CYB5D2: variants seen among roughly 807,000 people sequenced by gnomAD.
CYB5D2 encodes the protein cytochrome b5 domain containing 2.
A neutral mutation model predicts 22.8 loss-of-function variants in CYB5D2; 23 were observed. The observed-to-expected ratio is 1.01, with a 90% confidence interval of 0.73 to 1.43. The LOEUF (loss-of-function observed/expected upper bound fraction) is 1.43. CYB5D2 is among the 40% of genes most tolerant of loss of function. The pLI is 0.00. For synonymous variants in CYB5D2, 170 were observed against 152.2 expected (o/e 1.12, Z -0.86); for missense variants, 373 against 357.2 (o/e 1.04, Z -0.36).
At chr17:4,156,463 G>C (rs1034167845) in intron 3 of CYB5D2, among the ~76,000 whole-genome samples, 1 of 152,266 alleles carries the variant, frequency 6.6e-6, no homozygotes, top group Non-Finnish European at 1.5e-5. Flanking sequence ...CCTGACCTGC[G>C]CTGGGTTGTA....
intron 1 of CYB5D2, 144 bp downstream of exon 1, chr17:4,144,149 C>T (rs1456013879): frequency 3.5e-6 from 4 of 1,157,662 alleles, no homozygotes; most frequent in Non-Finnish European, 3.6e-6. Flanking sequence ...GCGGGACGAG[C>T]TGCATGCACT....
rs1053490916 is a variant in CYB5D2, at chr17:4,144,146, G to C, written c.250+141G>C. The C allele has an allele frequency of 3.0e-5, 36 of 1,206,000 alleles. No individual in the cohort carries two copies. In the African/African-American group the frequency reaches 4.9e-4, roughly 16 times the overall value. The allele number at this position is 1,206,000 out of a possible 1,614,324, so 74.7% of individuals were successfully genotyped here. ...ATCAAACCCGTGCGGTGGGCGGGACGAGCTGCATGCACTATCCTTCTAGGC... is the reference window on the plus strand; with the variant it reads ...ATCAAACCCGTGCGGTGGGCGGGACCAGCTGCATGCACTATCCTTCTAGGC... On this transcript the variant is annotated intron_variant, in intron 1 of 3. Coordinates refer to ENST00000301391, the MANE Select transcript of CYB5D2 (RefSeq NM_144611.4).
intron 2 of CYB5D2, among the ~76,000 whole-genome samples, chr17:4,153,324 CGGTGCG>C (rs1567890698): frequency 6.0e-5 from 9 of 150,942 alleles, no homozygotes; most frequent in African/African-American, 2.2e-4. Context: ...CAGGGAAGAG[CGGTGCG>C]AAGGTGGGGA....
intron 1 of CYB5D2, among the ~76,000 whole-genome samples, chr17:4,145,089 C>T (rs2058972686): frequency 6.6e-6 from 1 of 152,096 alleles, no homozygotes; most frequent in African/African-American, 2.4e-5. Flanking sequence ...CCCGGCCAGC[C>T]TAGTGCTTTT....
In CYB5D2 at chr17:4,143,794, G is replaced by A; in HGVS notation, c.39G>A (p.Leu13=). 1 of 1,614,092 alleles carries A rather than the reference G, an allele frequency of 6.2e-7. No homozygotes were observed. The highest frequency in any genetic ancestry group is 8.5e-7 in the Non-Finnish European group (1 of 1,180,002). ...GAGGCCGTGGGCTTTTGTTGGGCCT[G>A]GCTGTAGCCGCAGCAGCGGTAATGG... ...RCGGRGLLLG[L]AVAAAAVMAA... The change falls in exon 1 of 4, where the codon CTG becomes CTA. Residue 13 remains leucine (L), a synonymous_variant. Transcript: ENST00000301391.
At position 4,154,711 on chromosome 17, in the gene CYB5D2, G is replaced by A. The variant is rs753221813; in HGVS notation, c.429G>A (p.Leu143=). The change falls in exon 3 of 4, where the codon CTG becomes CTA. Residue 143 remains leucine (L), a synonymous_variant. Transcript: ENST00000301391. ...GACGGTTCTACGGAGAGGATGGGCT[G>A]CCCACCCCGGCACTGACCCAGGTAG... ...VTGRFYGEDG[L]PTPALTQVEA... is the part of the protein sequence containing the mutation. 3.1e-6 allele frequency: 5 copies of A among 1,614,156 alleles called. No homozygotes were observed. Among genetic ancestry groups the A allele is most frequent in the Non-Finnish European group, 4.2e-6 (5 of 1,180,018 alleles).
chr17:4,147,277 G>GA (rs914835607), intron 1 of CYB5D2, among the ~76,000 whole-genome samples: 1 of 151,638 alleles, frequency 6.6e-6, no homozygotes, highest in Non-Finnish European at 1.5e-5. Context: ...TCTCAAAAAA[G>GA]AAAAAAACTA....
At chr17:4,151,519 C>A (rs906653823) in intron 2 of CYB5D2, among the ~76,000 whole-genome samples, 1 of 151,702 alleles carries the variant, frequency 6.6e-6, no homozygotes, top group Non-Finnish European at 1.5e-5. Context: ...GAAACCCTGT[C>A]TCTATTAAAA....
intron 1 of CYB5D2, among the ~76,000 whole-genome samples, chr17:4,145,299 G>A (rs1052562454): frequency 2.0e-5 from 3 of 152,284 alleles, no homozygotes; most frequent in African/African-American, 7.2e-5. Flanking sequence ...AAGTACTAAA[G>A]AAATACAAAA....
At chr17:4,152,752 T>C (rs74789530) in intron 2 of CYB5D2, among the ~76,000 whole-genome samples, 12,236 of 152,290 alleles carry the variant, frequency 0.08, 568 homozygotes, top group South Asian at 0.15. Context: ...GTATTTAAAA[T>C]GAATGCTCTA....
chr17:4,155,146 C>A (rs1176689239), intron 3 of CYB5D2, among the ~76,000 whole-genome samples: 1 of 152,202 alleles, frequency 6.6e-6, no homozygotes, highest in Non-Finnish European at 1.5e-5. Flanking sequence ...CCTGCTGACA[C>A]AACCTTGACC....
Position 4,152,734 on chromosome 17 carries a change from T to A in CYB5D2, c.392-1940T>A, listed in dbSNP as rs561700949. Among the ~76,000 whole-genome samples, 190 of 152,362 alleles carry A rather than the reference T, an allele frequency of 1.2e-3. 1 individual carries two copies. Among genetic ancestry groups the A allele is most frequent in the African/African-American group, 4.4e-3 (181 of 41,588 alleles). ...GGGCCCTGATTCCTTTCTTTATTCA[T>A]CTAATAAGTATTTAAAATGAATGCT... On this transcript the variant is annotated intron_variant, in intron 2 of 3. Transcript: ENST00000301391.
chr17:4,146,843 T>G (rs1401131483), intron 1 of CYB5D2, among the ~76,000 whole-genome samples: 1 of 152,120 alleles, frequency 6.6e-6, no homozygotes, highest in East Asian at 1.9e-4. Flanking sequence ...TCTTTTCCTG[T>G]CGATTGGCCT....
chr17:4,144,870 T>A (rs1039416749), intron 1 of CYB5D2, among the ~76,000 whole-genome samples: 5 of 152,076 alleles, frequency 3.3e-5, no homozygotes, highest in African/African-American at 1.2e-4. Flanking sequence ...CACTGCAAGC[T>A]CTGCCTCCCG....
rs139169376 is a variant in CYB5D2, at chr17:4,144,006, G to T, written c.250+1G>T. The T allele has an allele frequency of 1.9e-6, 3 of 1,594,314 alleles. No homozygotes were observed. The highest frequency in any genetic ancestry group is 2.6e-6 in the Non-Finnish European group (3 of 1,169,976). ...GGGTCCCACTATAGCGGCTTCGCAG[G>T]TATCAGCGAGGCTGCTCACGCCTTT... On this transcript the variant is annotated splice_donor_variant, in intron 1 of 3. Transcript: ENST00000301391. LOFTEE classifies it high-confidence loss of function.
In CYB5D2 at chr17:4,143,696, C is replaced by T. The variant is rs967703378; in HGVS notation, c.-60C>T. On this transcript the variant is annotated 5_prime_UTR_variant, in exon 1 of 4. Coordinates refer to ENST00000301391, the MANE Select transcript of CYB5D2 (RefSeq NM_144611.4). ...ATGACGTCACGCTCGGCGTCTCGGC[C>T]ATCTTAGCTGTAGATAGAGGCGGCA... 3 of 1,532,302 alleles carry T rather than the reference C, an allele frequency of 2.0e-6. No homozygotes were observed. In the African/African-American group the frequency reaches 4.2e-5, roughly 21 times the overall value. 94.9% of individuals were successfully genotyped at this position (1,532,302 alleles called of 1,614,324 possible).
chr17:4,149,745 G>T (rs2142993831), intron 1 of CYB5D2, 146 bp from the exon 2 acceptor site: 1 of 947,256 alleles, frequency 1.1e-6, no homozygotes, highest in African/African-American at 1.7e-5. Flanking sequence ...GTTGCAGTGA[G>T]CTGAAATCAT....
chr17:4,153,105 C>A (rs9905631), intron 2 of CYB5D2, among the ~76,000 whole-genome samples: 19,728 of 152,200 alleles, frequency 0.13, 1,318 homozygotes, highest in Middle Eastern at 0.15. Flanking sequence ...CTGCGCCTCA[C>A]TAGTAGAGAG....
intron 1 of CYB5D2, among the ~76,000 whole-genome samples, chr17:4,146,197 T>C (rs2058989272): frequency 6.7e-6 from 1 of 148,566 alleles, no homozygotes; most frequent in Admixed American, 6.7e-5. Context: ...CCGGGTTCAA[T>C]ATTCTTGTGC....
Sources: allele counts gnomAD v4.1 joint callset (sites outside exome capture counted in the v4.1 genomes callset), GRCh38; gene constraint gnomAD v4.1.1; transcripts MANE v1.5; gene names NCBI Gene and HGNC (gene_info 2026-07-23, HGNC 2026-07-21).